The following RASGRP3 variants were observed in gnomAD, a reference collection of about 807,000 sequenced individuals.
RASGRP3 encodes the protein RAS guanyl releasing protein 3, also known as ras guanyl-releasing protein 3.
In RASGRP3, 54 loss-of-function variants were observed where a neutral mutation model predicts 82.7. That is an observed-to-expected ratio of 0.65 (90% confidence interval 0.52 to 0.82). RASGRP3 has a LOEUF of 0.82. RASGRP3 is among the 40% of genes least tolerant of loss of function. The pLI is 0.00. For synonymous variants in RASGRP3, 309 were observed against 300.5 expected (o/e 1.03, Z -0.29); for missense variants, 861 against 828.9 (o/e 1.04, Z -0.48).
intron 2 of RASGRP3, among the ~76,000 whole-genome samples, chr2:33,457,879 G>T (rs2150893439): frequency 6.6e-6 from 1 of 152,258 alleles, no homozygotes. Flanking sequence ...GAAATTGTCA[G>T]GAGGATTACT....
At chr2:33,437,176 A>G (rs546347297) in intron 1 of RASGRP3, among the ~76,000 whole-genome samples, 2 of 152,348 alleles carry the variant, frequency 1.3e-5, no homozygotes, top group Non-Finnish European at 2.9e-5. Context: ...CCAGTGATAG[A>G]AAGTGTTCAT....
At chr2:33,528,968 C>A (rs935617340) in intron 10 of RASGRP3, among the ~76,000 whole-genome samples, 1 of 152,184 alleles carries the variant, frequency 6.6e-6, no homozygotes, top group East Asian at 1.9e-4. Flanking sequence ...CCTACAGCCA[C>A]AGGTGATGTC....
intron 10 of RASGRP3, chr2:33,532,331 T>C (rs1192400508): frequency 6.6e-6 from 1 of 152,186 alleles, no homozygotes; most frequent in Non-Finnish European, 1.5e-5. Flanking sequence ...CACTGAGCAG[T>C]GATGTTCATC....
intron 1 of RASGRP3, among the ~76,000 whole-genome samples, chr2:33,496,664 T>C (rs1025463160): frequency 2.0e-5 from 3 of 152,218 alleles, no homozygotes; most frequent in South Asian, 2.1e-4. Context: ...AAGACCAGCC[T>C]GGGCAACATA....
At chr2:33,454,948 A>G (rs1319200253) in intron 2 of RASGRP3, among the ~76,000 whole-genome samples, 1 of 152,178 alleles carries the variant, frequency 6.6e-6, no homozygotes, top group African/African-American at 2.4e-5. Context: ...GGAATACTCA[A>G]ATGTGGCCAA....
intron 10 of RASGRP3, chr2:33,534,049 T>A (rs953052106): frequency 7.6e-6 from 3 of 394,348 alleles, no homozygotes; most frequent in Non-Finnish European, 1.4e-5. Flanking sequence ...ATATCCCTCA[T>A]CCGTGACTCA....
intron 1 of RASGRP3, among the ~76,000 whole-genome samples, chr2:33,506,551 T>G (rs1225059898): frequency 6.6e-6 from 1 of 152,234 alleles, no homozygotes. Flanking sequence ...GATGCTGTTA[T>G]TACTTCATTT....
intron 2 of RASGRP3, among the ~76,000 whole-genome samples, chr2:33,449,437 A>G (rs17013001): frequency 0.036 from 5,463 of 152,306 alleles, 275 homozygotes; most frequent in East Asian, 0.27. Context: ...TTGATGACAT[A>G]CAACAGAATA....
At chr2:33,523,714 T>C (rs1672252237) in intron 7 of RASGRP3, among the ~76,000 whole-genome samples, 165 bp from the exon 8 acceptor site, 1 of 152,186 alleles carries the variant, frequency 6.6e-6, no homozygotes, top group Non-Finnish European at 1.5e-5. Flanking sequence ...AATAACATTT[T>C]AAAGACACAT....
chr2:33,502,189 G>C (rs375735557), intron 1 of RASGRP3, among the ~76,000 whole-genome samples: 1 of 152,102 alleles, frequency 6.6e-6, no homozygotes, highest in East Asian at 1.9e-4. Flanking sequence ...AATACAAGGG[G>C]AGTTACAAGC....
At position 33,540,523 on chromosome 2, in the gene RASGRP3, TTCTC is replaced by T. The variant is rs755061258; in HGVS notation, c.1278+1331_1278+1334del. Among the ~76,000 whole-genome samples, 18 of 126,052 alleles carry T rather than the reference TTCTC, an allele frequency of 1.4e-4. 2 individuals carry two copies. The highest frequency in any genetic ancestry group is 5.3e-4 in the South Asian group (2 of 3,770). 82.7% of individuals were successfully genotyped at this position (126,052 alleles called of 152,430 possible). A position where few individuals can be genotyped will look rare whatever the true frequency, so the allele number is the denominator to read the frequency against. ...GACTTCCTCAGTCCACATGCGGAAT[TTCTC>T]TCTCTCTCTCTCTCTCTGTGTGTGT... On this transcript the variant is annotated intron_variant, in intron 12 of 17. Transcript: ENST00000403687.
chr2:33,439,952 A>G (rs1191283103), intron 1 of RASGRP3, among the ~76,000 whole-genome samples: 1 of 152,202 alleles, frequency 6.6e-6, no homozygotes, highest in South Asian at 2.1e-4. Flanking sequence ...AAGAAGCCCA[A>G]TGGAGACACA....
intron 2 of RASGRP3, among the ~76,000 whole-genome samples, chr2:33,459,912 C>G (rs954846898): frequency 1.3e-5 from 2 of 152,148 alleles, no homozygotes; most frequent in Non-Finnish European, 2.9e-5. Context: ...TTTGTTCAAG[C>G]CTCTATAGGA....
chr2:33,562,649 C>T (rs1676807622), intron 17 of RASGRP3, 80 bp from the exon 18 acceptor site: 1 of 1,505,894 alleles, frequency 6.6e-7, no homozygotes, highest in Non-Finnish European at 9.2e-7. Flanking sequence ...TCAAAGTCAT[C>T]TGAAAAACTG....
chr2:33,558,567 T>A, intron 16 of RASGRP3, 105 bp from the exon 17 acceptor site: 1 of 1,161,570 alleles, frequency 8.6e-7, no homozygotes, highest in South Asian at 1.6e-5. Flanking sequence ...CCTTGTCGGT[T>A]CCTCTAGAAT....
At chr2:33,471,389 C>G (rs1667055223) in intron 2 of RASGRP3, among the ~76,000 whole-genome samples, 1 of 144,938 alleles carries the variant, frequency 6.9e-6, no homozygotes, top group African/African-American at 2.6e-5. Flanking sequence ...GCTATGTTGC[C>G]CCTGCTGATC....
At chr2:33,508,838 T>C (rs972436615) in intron 1 of RASGRP3, among the ~76,000 whole-genome samples, 2 of 152,246 alleles carry the variant, frequency 1.3e-5, no homozygotes. Flanking sequence ...TGGGCTATTG[T>C]ATCATCTACC....
In RASGRP3 at chr2:33,555,578, G is replaced by A. The variant is rs1324099293; in HGVS notation, c.1579+11G>A. 6.4e-7 allele frequency: 1 copy of A among 1,572,394 alleles called. No individual in the cohort carries two copies. Among genetic ancestry groups the A allele is most frequent in the Admixed American group, 1.7e-5 (1 of 57,506 alleles). On this transcript the variant is annotated intron_variant, in intron 15 of 17. Transcript: ENST00000403687. ...GATACAAATGCAAAGGTAAATCAAT[G>A]TTATTTTGTTACAATTTTTAAAATG... is the stretch of plus-strand genomic sequence containing the variant.
chr2:33,489,280 A>G (rs566247527), intron 1 of RASGRP3, among the ~76,000 whole-genome samples: 126 of 152,368 alleles, frequency 8.3e-4, no homozygotes, highest in Middle Eastern at 3.4e-3. Context: ...AAGACACTTT[A>G]GATGAGTTAC....
Sources: gnomAD v4.1 joint callset for allele counts (sites outside exome capture counted in the v4.1 genomes callset) on GRCh38, gnomAD v4.1.1 for gene constraint, MANE v1.5 for transcripts, NCBI Gene and HGNC (gene_info 2026-07-23, HGNC 2026-07-21) for gene names.